Variants in DCC observed in about 807,000 individuals in gnomAD.
DCC encodes netrin receptor DCC.
DCC carries 58 observed loss-of-function variants against 172.5 expected under a neutral mutation model. That is an observed-to-expected ratio of 0.34 (90% CI 0.27 to 0.42). The LOEUF (loss-of-function observed/expected upper bound fraction) is 0.42, where lower values mean the gene tolerates loss of function less well. Among genes scored for constraint, DCC ranks in the 10% least tolerant of loss-of-function variants. The pLI, the probability that DCC is intolerant of heterozygous loss-of-function variation, is 1.00. For missense variants in DCC, 1,740 were observed against 1,791.0 expected (o/e 0.97, Z 0.51); for synonymous variants, 709 against 644.5 (o/e 1.10, Z -1.52).
At chr18:52,912,056 T>G (rs976052439) in intron 3 of DCC, among the ~76,000 whole-genome samples, 2 of 152,010 alleles carry the variant, frequency 1.3e-5, no homozygotes, top group African/African-American at 4.8e-5. Context: ...ATTGACCAGT[T>G]AATAAATATT....
chr18:52,508,438 A>G (rs2144641870), intron 1 of DCC, among the ~76,000 whole-genome samples: 1 of 152,340 alleles, frequency 6.6e-6, no homozygotes, highest in East Asian at 1.9e-4. Flanking sequence ...CAGATTACAC[A>G]GCATGCCTTT....
At chr18:53,305,484 G>C in intron 12 of DCC, 94 bp from the exon 13 acceptor site, 1 of 1,043,134 alleles carries the variant, frequency 9.6e-7, no homozygotes, top group Non-Finnish European at 1.5e-6. Flanking sequence ...TTGCTTCTCT[G>C]CTTTCTTCAC....
chr18:52,707,455 C>T lies in DCC; in HGVS notation c.92-44599C>T, dbSNP rs1045887124. ...TTATAGAAAACATAGGGAGATTCCC[C>T]CAGAATTAAAAACAGAACTATCATA... is the stretch of plus-strand genomic sequence containing the variant. On this transcript the variant is annotated intron_variant, in intron 1 of 28. Transcript: ENST00000442544. 2.0e-5 allele frequency among the ~76,000 whole-genome samples: 3 copies of T among 152,184 alleles called. No individual in the cohort carries two copies. The East Asian group carries it at 5.8e-4, about 29-fold the overall frequency.
At chr18:53,055,246 T>G (rs1208852726) in intron 5 of DCC, among the ~76,000 whole-genome samples, 1 of 152,208 alleles carries the variant, frequency 6.6e-6, no homozygotes, top group African/African-American at 2.4e-5. Context: ...GATGAATTGC[T>G]GTAGAACCAA....
At chr18:53,306,247 CCAGTTTG>C (rs1416752263) in intron 13 of DCC, among the ~76,000 whole-genome samples, 2 of 152,018 alleles carry the variant, frequency 1.3e-5, no homozygotes, top group Non-Finnish European at 2.9e-5. Context: ...AAAACTGGAC[CCAGTTTG>C]CATGTAAAGA....
chr18:52,647,540 T>C (rs1305996438), intron 1 of DCC, among the ~76,000 whole-genome samples: 1 of 152,176 alleles, frequency 6.6e-6, no homozygotes, highest in Non-Finnish European at 1.5e-5. Context: ...TGGAATCCCA[T>C]GCTAGGTGGG....
chr18:52,625,773 T>A (rs373991681), intron 1 of DCC, among the ~76,000 whole-genome samples: 25 of 152,174 alleles, frequency 1.6e-4, no homozygotes, highest in African/African-American at 5.8e-4. Context: ...GATTTTCACC[T>A]CCATCACTTC....
In DCC at chr18:53,486,902, C is replaced by T. The variant is rs1389933990; in HGVS notation, c.3842C>T (p.Pro1281Leu). The T allele has an allele frequency of 1.9e-6, 3 of 1,614,204 alleles. No homozygotes were observed. The highest frequency in any genetic ancestry group is 4.5e-5 in the East Asian group (2 of 44,868). Residue 1281 changes from proline to leucine, a missense_variant, in exon 26 of 29, where the codon CCT (proline) becomes CTT (leucine). Pro to Leu is a moderately conservative substitution (Grantham distance 98). Transcript: ENST00000442544. ...CCCCACCCGCAGTTCACTCTCCGGC[C>T]TGTGCCATTCCCAACACTCTCAGTG... ...GYPHPQFTLR[P>L]VPFPTLSVDR...
intron 3 of DCC, among the ~76,000 whole-genome samples, chr18:52,913,314 A>G (rs537568526): frequency 6.6e-6 from 1 of 152,242 alleles, no homozygotes; most frequent in South Asian, 2.1e-4. Flanking sequence ...CTGTGGATAC[A>G]TAGACCATTT....
At chr18:53,207,950 A>G (rs962549842) in intron 11 of DCC, 133 bp downstream of exon 11, 4 of 804,156 alleles carry the variant, frequency 5.0e-6, no homozygotes, top group Non-Finnish European at 8.4e-6. Context: ...ATTACAGTTA[A>G]ATGTAAACTT....
At chr18:53,320,003 G>A (rs1464014176) in intron 13 of DCC, among the ~76,000 whole-genome samples, 1 of 151,194 alleles carries the variant, frequency 6.6e-6, no homozygotes, top group Non-Finnish European at 1.5e-5. Context: ...ACTGGAGACA[G>A]TATTGACATG....
chr18:53,053,318 A>G (rs192005440), intron 5 of DCC, among the ~76,000 whole-genome samples: 299 of 152,184 alleles, frequency 2.0e-3, no homozygotes, highest in Admixed American at 4.3e-3. Context: ...AAGAAAGTAA[A>G]TCCTTTTTCT....
At chr18:53,186,645 C>G (rs533193405) in intron 9 of DCC, among the ~76,000 whole-genome samples, 1 of 152,182 alleles carries the variant, frequency 6.6e-6, no homozygotes, top group Non-Finnish European at 1.5e-5. Context: ...TACTGAGCAC[C>G]AACTATGTAT....
intron 7 of DCC, among the ~76,000 whole-genome samples, chr18:53,113,323 A>G (rs1330757023): frequency 6.6e-6 from 1 of 151,488 alleles, no homozygotes; most frequent in Non-Finnish European, 1.5e-5. Context: ...GATATAATTT[A>G]TTAATTCGAT....
intron 1 of DCC, among the ~76,000 whole-genome samples, chr18:52,743,850 G>A: frequency 6.6e-6 from 1 of 152,116 alleles, no homozygotes; most frequent in African/African-American, 2.4e-5. Flanking sequence ...GAAGAATCAG[G>A]GTATCAAGAG....
At chr18:52,910,088 T>C (rs553977439) in intron 3 of DCC, among the ~76,000 whole-genome samples, 16 of 152,114 alleles carry the variant, frequency 1.1e-4, no homozygotes, top group African/African-American at 1.9e-4. Context: ...GAGGATGAGG[T>C]GGAATGCTAC....
intron 2 of DCC, among the ~76,000 whole-genome samples, chr18:52,841,043 G>A (rs1321450746): frequency 2.0e-5 from 3 of 152,156 alleles, no homozygotes; most frequent in African/African-American, 4.8e-5. Flanking sequence ...GCAGGTCTCC[G>A]TGAAAAAGGC....
chr18:53,240,030 A>AC (rs1187790114), intron 12 of DCC, among the ~76,000 whole-genome samples: 2 of 132,132 alleles, frequency 1.5e-5, no homozygotes, highest in Admixed American at 1.7e-4. Flanking sequence ...TAGAGTTAAA[A>AC]AAAAAAAAAA....
At chr18:52,426,302 T>G (rs1439056074) in intron 1 of DCC, among the ~76,000 whole-genome samples, 2 of 151,824 alleles carry the variant, frequency 1.3e-5, no homozygotes. Context: ...CAGAATTTTT[T>G]TTTTTTTTTT....
Sources: allele counts gnomAD v4.1 joint callset (sites outside exome capture counted in the v4.1 genomes callset), GRCh38; gene constraint gnomAD v4.1.1; transcripts MANE v1.5; gene names NCBI Gene and HGNC (gene_info 2026-07-23, HGNC 2026-07-21).